Variants in ANXA13 observed in about 807,000 individuals in gnomAD.
ANXA13 encodes annexin XIII.
ANXA13 carries 36 observed loss-of-function variants against 46.6 expected under a neutral mutation model. The ratio of observed to expected loss-of-function variants is 0.77; its 90% CI spans 0.59 to 1.02. ANXA13 has a LOEUF of 1.02. Ranked by LOEUF, ANXA13 falls within the 50% of genes least tolerant of loss-of-function variation. The pLI, the probability that ANXA13 is intolerant of heterozygous loss-of-function variation, is 0.00. For synonymous variants in ANXA13, 163 were observed against 152.9 expected, an observed-to-expected ratio of 1.07 and a Z score of -0.49; for missense variants, 417 against 396.5, an observed-to-expected ratio of 1.05 and a Z score of -0.44.
intron 2 of ANXA13, 84 bp from the exon 3 acceptor site, chr8:123,702,820 G>A (rs1027047401): frequency 2.4e-5 from 30 of 1,259,978 alleles, no homozygotes; most frequent in Non-Finnish European, 3.1e-5. Flanking sequence ...AGGAAGCCAG[G>A]ACTCACAGCT....
rs34135339 is a variant in ANXA13, at chr8:123,720,657, C to CGTGTGTGTGTGT, written c.16-7916_16-7905dup. ...CAGCTATGAACGTTTCCTGTGTCCC[C>CGTGTGTGTGTGT]GTGTGTGTGTGTGTGTGTGTGTGTG... On this transcript the variant is annotated intron_variant, in intron 1 of 10. Transcript: ENST00000419625. Among the ~76,000 whole-genome samples the CGTGTGTGTGTGT allele has an allele frequency of 6.1e-3, 861 of 141,504 alleles. 37 individuals are homozygous for CGTGTGTGTGTGT. The highest frequency in any genetic ancestry group is 0.042 in the Admixed American group (585 of 13,938). 92.8% of individuals were successfully genotyped at this position (141,504 alleles called of 152,430 possible). A position where few individuals can be genotyped will look rare whatever the true frequency, so the allele number is the denominator to read the frequency against.
intron 8 of ANXA13, among the ~76,000 whole-genome samples, chr8:123,689,626 G>A (rs1586313683): frequency 1.3e-5 from 2 of 152,230 alleles, no homozygotes; most frequent in East Asian, 1.9e-4. Flanking sequence ...ATTGCTCTGC[G>A]CAGCATTACA....
In ANXA13 at chr8:123,690,938, C is replaced by T. The variant is rs1017459566; in HGVS notation, c.643-1992G>A. ...CGCAGTGAGGTGGCAGCAAAGTGGG[C>T]TATGGGTATGCATACCTACTGTTTA... On this transcript the variant is annotated intron_variant, in intron 8 of 10. Coordinates refer to ENST00000419625, the MANE Select transcript of ANXA13 (RefSeq NM_004306.4). This position sits in a 1 kb window ranked among gnomAD's most constrained non-coding sequence, Gnocchi z 4.6. 6.6e-6 allele frequency among the ~76,000 whole-genome samples: 1 copy of T among 152,194 alleles called. No individual in the cohort carries two copies. The highest frequency in any genetic ancestry group is 1.9e-4 in the East Asian group (1 of 5,202).
At chr8:123,712,797 C>A in intron 1 of ANXA13, 44 bp from the exon 2 acceptor site, 1 of 1,557,498 alleles carries the variant, frequency 6.4e-7, no homozygotes, top group African/African-American at 1.4e-5. Flanking sequence ...TATACGCATT[C>A]CTAAATGATC....
chr8:123,737,077 C>T (rs536265326), intron 1 of ANXA13, among the ~76,000 whole-genome samples: 33 of 151,396 alleles, frequency 2.2e-4, no homozygotes, highest in East Asian at 7.7e-4. Context: ...GCCAGGCTGA[C>T]CTCAAACTCC....
chr8:123,689,954 C>T (rs1459739553), intron 8 of ANXA13, among the ~76,000 whole-genome samples: 6 of 152,104 alleles, frequency 3.9e-5, no homozygotes, highest in African/African-American at 1.4e-4. Context: ...CAATATATGT[C>T]GGGGGAGGAA....
Position 123,688,899 on chromosome 8 carries a change from G to T in ANXA13, c.690C>A (p.Gly230=), listed in dbSNP as rs34594422. 2.0e-5 allele frequency: 33 copies of T among 1,613,544 alleles called. No individual in the cohort carries two copies. The South Asian group carries it at 2.6e-4, about 13-fold the overall frequency. The change falls in exon 9 of 11, where the codon GGC becomes GGA. Residue 230 remains glycine, a synonymous_variant. Coordinates refer to ENST00000419625, the MANE Select transcript of ANXA13 (RefSeq NM_004306.4). ...IEEAIEEETS[G]DLQKAYLTLV... ...GAGTTAAATAGGCCTTCTGCAAGTC[G>T]CCTGATGTTTCTTCTTCAATGGCTT... is the stretch of plus-strand genomic sequence containing the variant.
chr8:123,706,358 G>C (rs943170649), intron 2 of ANXA13, among the ~76,000 whole-genome samples: 1 of 152,170 alleles, frequency 6.6e-6, no homozygotes, highest in Non-Finnish European at 1.5e-5. Flanking sequence ...TGTCCCAGAC[G>C]AGGGCCTTGG....
intron 1 of ANXA13, among the ~76,000 whole-genome samples, chr8:123,736,297 T>C (rs1814266840): frequency 6.6e-6 from 1 of 152,226 alleles, no homozygotes; most frequent in Non-Finnish European, 1.5e-5. Context: ...TGTGGAAATT[T>C]ACAGCAGGTA....
chr8:123,730,080 G>A (rs7014939), intron 1 of ANXA13, among the ~76,000 whole-genome samples: 55,129 of 151,908 alleles, frequency 0.36, 10,357 homozygotes, highest in South Asian at 0.48. Flanking sequence ...CTTCTCCCCA[G>A]TTCCATTGTT....
intron 1 of ANXA13, chr8:123,735,647 C>G: frequency 7.7e-7 from 1 of 1,291,962 alleles, no homozygotes; most frequent in Non-Finnish European, 1.0e-6. Context: ...CTGATGATGG[C>G]TGGTGGCTGG....
intron 1 of ANXA13, among the ~76,000 whole-genome samples, chr8:123,723,482 CAG>C (rs1813925310): frequency 6.6e-6 from 1 of 152,196 alleles, no homozygotes; most frequent in Admixed American, 6.5e-5. Flanking sequence ...GGGACAGTTC[CAG>C]GTAAACCAGG....
In ANXA13 at chr8:123,714,080, TC is replaced by T. The variant is rs577168196; in HGVS notation, c.16-1328del. On this transcript the variant is annotated intron_variant, in intron 1 of 10. Transcript: ENST00000419625. ...CAGTTCAACTCTCCCTGCTTTCATA[TC>T]CTTTGGCACCCAGTGGAAGTGAACA... Among the ~76,000 whole-genome samples the T allele has an allele frequency of 1.5e-4, 23 of 152,294 alleles. No individual in the cohort carries two copies. In the East Asian group the frequency reaches 4.3e-3, roughly 28 times the overall value.
intron 9 of ANXA13, among the ~76,000 whole-genome samples, chr8:123,684,969 C>T (rs979621597): frequency 2.6e-5 from 4 of 152,226 alleles, no homozygotes; most frequent in African/African-American, 7.2e-5. Flanking sequence ...CTGTGGCATC[C>T]TCGGGCCCTC....
intron 2 of ANXA13, among the ~76,000 whole-genome samples, chr8:123,709,335 C>T (rs34532474): frequency 2.4e-4 from 37 of 151,790 alleles, no homozygotes; most frequent in South Asian, 1.9e-3. Flanking sequence ...CTTCCTCTCT[C>T]TTCTTTCTTC....
intron 2 of ANXA13, among the ~76,000 whole-genome samples, chr8:123,708,259 T>TA (rs1216137277): frequency 2.6e-5 from 4 of 152,196 alleles, no homozygotes; most frequent in Non-Finnish European, 5.9e-5. Flanking sequence ...GACGGGGCAA[T>TA]AATCAGCCTC....
intron 1 of ANXA13, among the ~76,000 whole-genome samples, chr8:123,717,549 A>T (rs73703646): frequency 1.3e-5 from 2 of 152,230 alleles, no homozygotes; most frequent in East Asian, 3.8e-4. Flanking sequence ...ATACTTGTCA[A>T]ATATTTATCT....
At position 123,681,024 on chromosome 8, in the gene ANXA13, G is replaced by T. The variant is rs1813024883; in HGVS notation, c.*216C>A. The T allele has an allele frequency of 3.8e-6, 2 of 531,088 alleles. No homozygotes were observed. The highest frequency in any genetic ancestry group is 2.9e-5 in the East Asian group (1 of 34,676). The allele number at this position is 531,088 out of a possible 1,614,324, so 32.9% of individuals were successfully genotyped here. On this transcript the variant is annotated 3_prime_UTR_variant, in exon 11 of 11. Transcript: ENST00000419625. ...AAGAAAGTGAAGAGGCAGCCTAGAT[G>T]CTTGCTAAGCCAGAGTTCAAGGTGC...
At chr8:123,721,602 T>C (rs1162217158) in intron 1 of ANXA13, among the ~76,000 whole-genome samples, 2 of 152,152 alleles carry the variant, frequency 1.3e-5, no homozygotes, top group South Asian at 2.1e-4. Context: ...GCCTTTAAAA[T>C]TGGAAGTTTA....
Sources: allele counts gnomAD v4.1 joint callset (sites outside exome capture counted in the v4.1 genomes callset), GRCh38; gene constraint gnomAD v4.1.1; non-coding constraint Gnocchi (gnomAD v3.1); transcripts MANE v1.5; gene names NCBI Gene and HGNC (gene_info 2026-07-23, HGNC 2026-07-21).